FAT3: variants seen among roughly 807,000 people sequenced by gnomAD.
The protein encoded by FAT3 is protocadherin Fat 3.
In FAT3, 95 loss-of-function variants were observed where a neutral mutation model predicts 310.2. The ratio of observed to expected loss-of-function variants is 0.31; its 90% CI spans 0.26 to 0.36. FAT3 has a LOEUF of 0.36. Among genes scored for constraint, FAT3 ranks in the 10% least tolerant of loss-of-function variants. The probability of loss-of-function intolerance (pLI) is 1.00; values close to 1 mark genes in which losing one functional copy is unlikely to be tolerated. For missense variants in FAT3, 5,408 were observed against 5,715.6 expected, an observed-to-expected ratio of 0.95 and a Z score of 1.74; for synonymous variants, 2,314 against 2,192.9, an observed-to-expected ratio of 1.06 and a Z score of -1.54.
Position 92,801,638 on chromosome 11 carries a change from C to A in FAT3, c.8625C>A (p.Ile2875=). ...AFNIDSNTGW[I]STLKDLDHET... The stretch of plus-strand genomic sequence containing the variant: ...ATATTGACAGCAACACGGGCTGGAT[C>A]AGTACCTTGAAGGACCTAGATCACG... Residue 2875 remains isoleucine, a synonymous_variant, in exon 10 of 28, where the codon ATC becomes ATA. Transcript: ENST00000525166. 6.2e-7 allele frequency: 1 copy of A among 1,613,810 alleles called. No homozygotes were observed. The highest frequency in any genetic ancestry group is 8.5e-7 in the Non-Finnish European group (1 of 1,179,834).
intron 2 of FAT3, among the ~76,000 whole-genome samples, chr11:92,453,645 T>G (rs1393031991): frequency 6.6e-6 from 1 of 152,200 alleles, no homozygotes; most frequent in Non-Finnish European, 1.5e-5. Context: ...TTATTTAAAC[T>G]CAAGCTTTTA....
intron 7 of FAT3, 145 bp downstream of exon 7, chr11:92,774,325 T>G (rs975234219): frequency 3.3e-5 from 30 of 916,730 alleles, no homozygotes; most frequent in Non-Finnish European, 4.4e-5. Context: ...CAAGAACAAG[T>G]GAGAAAAGGG....
At chr11:92,836,919 G>T (rs1948423725) in intron 16 of FAT3, among the ~76,000 whole-genome samples, 1 of 152,146 alleles carries the variant, frequency 6.6e-6, no homozygotes, top group Non-Finnish European at 1.5e-5. Flanking sequence ...TTAAAGAAAA[G>T]ATAAATATGT....
chr11:92,665,575 T>A (rs899932451), intron 3 of FAT3, among the ~76,000 whole-genome samples: 1 of 152,192 alleles, frequency 6.6e-6, no homozygotes, highest in Non-Finnish European at 1.5e-5. Context: ...ATTGGTGTCA[T>A]CTCAGTGGCT....
intron 2 of FAT3, among the ~76,000 whole-genome samples, chr11:92,401,988 C>T (rs942977248): frequency 3.3e-5 from 5 of 152,144 alleles, no homozygotes; most frequent in African/African-American, 1.2e-4. Context: ...CATCCAAAGA[C>T]ATAAAGCAAG....
intron 2 of FAT3, among the ~76,000 whole-genome samples, chr11:92,389,632 G>A (rs1374511601): frequency 6.6e-6 from 1 of 152,158 alleles, no homozygotes; most frequent in African/African-American, 2.4e-5. Context: ...TTATTGTGTT[G>A]TATGGATGTG....
Position 92,888,525 on chromosome 11 carries a change from C to A in FAT3, c.13052-664C>A, listed in dbSNP as rs76175309. On this transcript the variant is annotated intron_variant, in intron 25 of 27. Coordinates refer to ENST00000525166, the MANE Select transcript of FAT3 (RefSeq NM_001367949.2). ...GGCAGGTGGTGTTAGGAACTTTCAT[C>A]AAATTGGTTTTAAGCCTGATCACCT... 4.3e-3 allele frequency among the ~76,000 whole-genome samples: 649 copies of A among 152,318 alleles called. 2 individuals carry two copies. Among genetic ancestry groups the A allele is most frequent in the African/African-American group, 0.015 (617 of 41,568 alleles).
chr11:92,524,916 C>G lies in FAT3; in HGVS notation c.3575C>G (p.Pro1192Arg). The G allele has an allele frequency of 1.2e-6, 2 of 1,613,646 alleles. No homozygotes were observed. The highest frequency in any genetic ancestry group is 1.7e-6 in the Non-Finnish European group (2 of 1,179,724). The stretch of plus-strand genomic sequence containing the variant: ...ACATACAGGATTACAAGTGGAAATC[C>G]TCAGAATTTTTTTGCCATCAATATC... Reference protein sequence around the residue: ...KLTYRITSGNPQNFFAINIKT... With the variant: ...KLTYRITSGNRQNFFAINIKT... The change falls in exon 3 of 28, where the codon CCT becomes CGT. Residue 1192 changes from proline to arginine, a missense_variant. Pro to Arg is a moderately radical substitution (Grantham distance 103). Around this residue, in one of 5 missense-constraint regions of FAT3, gnomAD observed 4,588 missense variants for 4,809.8 expected, o/e 0.95. Transcript: ENST00000525166.
intron 4 of FAT3, among the ~76,000 whole-genome samples, chr11:92,698,235 AC>A (rs1295254532): frequency 6.6e-6 from 1 of 151,932 alleles, no homozygotes; most frequent in Non-Finnish European, 1.5e-5. Context: ...GGAATCCACT[AC>A]CCCTCCTAAC....
chr11:92,486,079 C>T (rs543129461), intron 2 of FAT3, among the ~76,000 whole-genome samples: 5 of 140,166 alleles, frequency 3.6e-5, no homozygotes, highest in East Asian at 2.3e-4. Context: ...TGAATAATTT[C>T]CATGAATTCC....
At chr11:92,270,297 G>A (rs1182386409) in intron 1 of FAT3, among the ~76,000 whole-genome samples, 1 of 151,998 alleles carries the variant, frequency 6.6e-6, no homozygotes, top group East Asian at 1.9e-4. Context: ...TATTGAGAAT[G>A]TTTCAGAGCT....
intron 3 of FAT3, among the ~76,000 whole-genome samples, chr11:92,625,165 T>G (rs1332276370): frequency 6.6e-6 from 1 of 152,150 alleles, no homozygotes; most frequent in African/African-American, 2.4e-5. Flanking sequence ...GAGGATGAAA[T>G]TGGTTTCATG....
At chr11:92,698,591 A>T (rs1315256774) in intron 4 of FAT3, among the ~76,000 whole-genome samples, 1 of 151,916 alleles carries the variant, frequency 6.6e-6, no homozygotes, top group Non-Finnish European at 1.5e-5. Context: ...ATAATAAAGG[A>T]TTATTATTAT....
chr11:92,257,478 T>G (rs554282329), intron 1 of FAT3, among the ~76,000 whole-genome samples: 10 of 152,156 alleles, frequency 6.6e-5, no homozygotes, highest in African/African-American at 2.4e-4. Context: ...TCGGACATAA[T>G]TACCTAATGG....
chr11:92,331,292 T>A (rs1350153684), intron 1 of FAT3, among the ~76,000 whole-genome samples: 1 of 151,806 alleles, frequency 6.6e-6, no homozygotes, highest in Non-Finnish European at 1.5e-5. Context: ...TTCTTCTTTT[T>A]TTTTTTTCAA....
chr11:92,764,258 C>A (rs761930759), intron 5 of FAT3, among the ~76,000 whole-genome samples: 18 of 152,068 alleles, frequency 1.2e-4, no homozygotes, highest in Non-Finnish European at 2.4e-4. Context: ...TCTCTGTTAC[C>A]TTTTTGCAGG....
chr11:92,471,263 G>A (rs1165063852), intron 2 of FAT3, among the ~76,000 whole-genome samples: 1 of 152,162 alleles, frequency 6.6e-6, no homozygotes, highest in South Asian at 2.1e-4. Flanking sequence ...GGCAAAGGGT[G>A]AGAGCATCTT....
At chr11:92,745,231 G>C (rs965478491) in intron 4 of FAT3, among the ~76,000 whole-genome samples, 1 of 152,208 alleles carries the variant, frequency 6.6e-6, no homozygotes, top group African/African-American at 2.4e-5. Context: ...TCATGGAGAG[G>C]GGAATGTGGA....
In FAT3 at chr11:92,263,637, G is replaced by A. The variant is rs35622830; in HGVS notation, c.-18+38463G>A. Among the ~76,000 whole-genome samples, 755 of 128,046 alleles carry A rather than the reference G, an allele frequency of 5.9e-3. 2 individuals carry two copies. Among genetic ancestry groups the A allele is most frequent in the East Asian group, 0.02 (78 of 3,820 alleles). 84.0% of individuals were successfully genotyped at this position (128,046 alleles called of 152,430 possible). The stretch of plus-strand genomic sequence containing the variant: ...AATATAAGTGTGTGTGTGTGTGTGT[G>A]TATATATATATATATATAGAGAGAG... On this transcript the variant is annotated intron_variant, in intron 1 of 27. Transcript: ENST00000525166.
Sources: gnomAD v4.1 joint callset for allele counts (sites outside exome capture counted in the v4.1 genomes callset) on GRCh38, gnomAD v4.1.1 for gene constraint, gnomAD v4.1.1 regional missense constraint, MANE v1.5 for transcripts, NCBI Gene and HGNC (gene_info 2026-07-23, HGNC 2026-07-21) for gene names.